Variants in OXCT1 observed in about 807,000 individuals in gnomAD.
OXCT1 encodes succinyl-CoA:3-ketoacid coenzyme A transferase 1, mitochondrial.
Under a neutral mutation model 69.6 loss-of-function variants are expected in OXCT1, and 27 were observed. That is an observed-to-expected ratio of 0.39 (90% confidence interval 0.29 to 0.54). OXCT1 has a LOEUF of 0.54. Among genes scored for constraint, OXCT1 ranks in the 20% least tolerant of loss-of-function variants. The pLI, the probability that OXCT1 is intolerant of heterozygous loss-of-function variation, is 0.72. For missense variants in OXCT1, 437 were observed against 650.2 expected (o/e 0.67, Z 3.57); for synonymous variants, 202 against 217.8 (o/e 0.93, Z 0.64).
At chr5:41,837,939 T>C (rs1748448600) in intron 7 of OXCT1, among the ~76,000 whole-genome samples, 1 of 152,204 alleles carries the variant, frequency 6.6e-6, no homozygotes, top group Non-Finnish European at 1.5e-5. Flanking sequence ...TTTAAAATAA[T>C]GCACATAAGG....
chr5:41,754,494 T>G (rs1043633916), intron 14 of OXCT1, among the ~76,000 whole-genome samples: 1 of 152,076 alleles, frequency 6.6e-6, no homozygotes, highest in Non-Finnish European at 1.5e-5. Flanking sequence ...TCACACCATA[T>G]GCCTATATCA....
At chr5:41,806,217 G>T (rs1746673118) in intron 8 of OXCT1, among the ~76,000 whole-genome samples, 1 of 152,006 alleles carries the variant, frequency 6.6e-6, no homozygotes, top group African/African-American at 2.4e-5. Flanking sequence ...ACAAACTCTG[G>T]CTCGTGTTTG....
intron 3 of OXCT1, among the ~76,000 whole-genome samples, chr5:41,859,004 A>G (rs1165572824): frequency 2.0e-5 from 3 of 152,240 alleles, no homozygotes; most frequent in Admixed American, 6.5e-5. Flanking sequence ...CCAGACATAT[A>G]AAATTCATAA....
At chr5:41,786,584 G>A (rs1404706140) in intron 13 of OXCT1, among the ~76,000 whole-genome samples, 3 of 152,176 alleles carry the variant, frequency 2.0e-5, no homozygotes, top group African/African-American at 2.4e-5. Context: ...TGAAGACTGA[G>A]TTTATGAATT....
intron 11 of OXCT1, 40 bp downstream of exon 11, chr5:41,800,982 A>G (rs1480204706): frequency 1.3e-6 from 2 of 1,557,840 alleles, no homozygotes; most frequent in Non-Finnish European, 8.9e-7. Context: ...GTAGCACAAA[A>G]TTAATAGCAA....
intron 13 of OXCT1, among the ~76,000 whole-genome samples, chr5:41,788,586 AT>A (rs926919761): frequency 1.3e-5 from 2 of 152,214 alleles, no homozygotes; most frequent in African/African-American, 4.8e-5. Flanking sequence ...AAAATGACAG[AT>A]CAATTCATTA....
chr5:41,810,360 G>C (rs1177033840), intron 7 of OXCT1, among the ~76,000 whole-genome samples: 1 of 152,042 alleles, frequency 6.6e-6, no homozygotes, highest in East Asian at 1.9e-4. Context: ...GGGTAATAAA[G>C]AATAAAGGAC....
intron 7 of OXCT1, among the ~76,000 whole-genome samples, chr5:41,815,197 A>G (rs1425804710): frequency 6.6e-6 from 1 of 152,160 alleles, no homozygotes; most frequent in African/African-American, 2.4e-5. Context: ...TACTTCATAT[A>G]CCATCCCAAT....
chr5:41,790,974 TTAAG>T (rs1214779592), intron 13 of OXCT1, among the ~76,000 whole-genome samples: 2 of 152,224 alleles, frequency 1.3e-5, no homozygotes, highest in Non-Finnish European at 2.9e-5. Context: ...CTCTTTAATT[TTAAG>T]TAATAGAGCA....
At chr5:41,760,937 G>C in intron 14 of OXCT1, among the ~76,000 whole-genome samples, 1 of 152,084 alleles carries the variant, frequency 6.6e-6, no homozygotes, top group East Asian at 1.9e-4. Context: ...AAGCAGGTGG[G>C]ATGTGAATCT....
At chr5:41,757,598 C>T (rs1744143917) in intron 14 of OXCT1, among the ~76,000 whole-genome samples, 1 of 151,986 alleles carries the variant, frequency 6.6e-6, no homozygotes, top group Admixed American at 6.6e-5. Context: ...AATTAACATA[C>T]TCAGAAGGTA....
At chr5:41,830,982 C>G (rs1748069442) in intron 7 of OXCT1, among the ~76,000 whole-genome samples, 1 of 152,126 alleles carries the variant, frequency 6.6e-6, no homozygotes. Context: ...CTTAAGTCAC[C>G]TGGTTAAAAT....
At chr5:41,752,935 A>G (rs903316064) in intron 14 of OXCT1, among the ~76,000 whole-genome samples, 2 of 151,776 alleles carry the variant, frequency 1.3e-5, no homozygotes, top group Non-Finnish European at 2.9e-5. Flanking sequence ...GTAATTCACC[A>G]TTTTCAAGTG....
At chr5:41,755,824 C>G (rs930752508) in intron 14 of OXCT1, among the ~76,000 whole-genome samples, 1 of 152,024 alleles carries the variant, frequency 6.6e-6, no homozygotes, top group Admixed American at 6.6e-5. Flanking sequence ...TATAAAAGGT[C>G]ACCTAAAAGC....
At chr5:41,851,090 G>GT (rs1439915021) in intron 4 of OXCT1, among the ~76,000 whole-genome samples, 1 of 152,196 alleles carries the variant, frequency 6.6e-6, no homozygotes, top group Admixed American at 6.5e-5. Context: ...GAGGCCAGGA[G>GT]TTTGAGTCCA....
intron 7 of OXCT1, among the ~76,000 whole-genome samples, chr5:41,811,800 A>G (rs1043754032): frequency 1.3e-5 from 2 of 152,020 alleles, no homozygotes; most frequent in Non-Finnish European, 2.9e-5. Flanking sequence ...ACATTCCACA[A>G]TGTCCAATGA....
intron 14 of OXCT1, among the ~76,000 whole-genome samples, chr5:41,758,779 G>T (rs1455127544): frequency 6.6e-6 from 1 of 152,044 alleles, no homozygotes; most frequent in Non-Finnish European, 1.5e-5. Flanking sequence ...GACAGAGGGG[G>T]CATAGAAAAT....
intron 7 of OXCT1, among the ~76,000 whole-genome samples, chr5:41,829,031 C>T (rs1747959575): frequency 6.6e-6 from 1 of 152,058 alleles, no homozygotes; most frequent in African/African-American, 2.4e-5. Flanking sequence ...AAAAAATGTT[C>T]TATACAACAT....
chr5:41,832,068 T>A (rs1748124282), intron 7 of OXCT1, among the ~76,000 whole-genome samples: 1 of 152,112 alleles, frequency 6.6e-6, no homozygotes, highest in Non-Finnish European at 1.5e-5. Context: ...AAAAGCACCA[T>A]CACAAGAACC....
Sources: allele counts gnomAD v4.1 joint callset (sites outside exome capture counted in the v4.1 genomes callset), GRCh38; gene constraint gnomAD v4.1.1; transcripts MANE v1.5; gene names NCBI Gene and HGNC (gene_info 2026-07-23, HGNC 2026-07-21).